STPG2: variants seen among roughly 807,000 people sequenced by gnomAD.
The protein encoded by STPG2 is sperm tail PG-rich repeat containing 2.
STPG2 carries 56 observed loss-of-function variants against 54.2 expected under a neutral mutation model. The observed-to-expected ratio is 1.03, with a 90% CI of 0.83 to 1.29. The LOEUF is 1.29. Among genes scored for constraint, STPG2 ranks in the 50% most tolerant of loss-of-function variants. The probability of loss-of-function intolerance (pLI) is 0.00; values close to 1 mark genes in which losing one functional copy is unlikely to be tolerated. For missense variants in STPG2, 596 were observed against 544.9 expected (o/e 1.09, Z -0.93); for synonymous variants, 200 against 181.8 (o/e 1.10, Z -0.81).
intron 10 of STPG2, among the ~76,000 whole-genome samples, chr4:97,707,404 C>T (rs1265805878): frequency 6.6e-6 from 1 of 152,020 alleles, no homozygotes; most frequent in Non-Finnish European, 1.5e-5. Flanking sequence ...GCTTGTAGTT[C>T]CAGCTACCTG....
At chr4:97,831,337 A>G (rs999586478) in intron 9 of STPG2, among the ~76,000 whole-genome samples, 1 of 152,210 alleles carries the variant, frequency 6.6e-6, no homozygotes, top group Non-Finnish European at 1.5e-5. Context: ...GAACAAAAAC[A>G]CAATGTAGTA....
Position 97,585,116 on chromosome 4 carries a change from A to AC in STPG2, c.1321-26000_1321-25999insG, listed in dbSNP as rs1257149701. Reference sequence around the variant, plus strand: ...AAAATATTCTCAAAAAAAAAAAAAAAAAAAAAAACAAAACTACAAGTTAAC... The same window carrying AC: ...AAAATATTCTCAAAAAAAAAAAAAAACAAAAAAAACAAAACTACAAGTTAAC... On this transcript the variant is annotated intron_variant, in intron 10 of 10. Transcript: ENST00000295268. Among the ~76,000 whole-genome samples, 183 of 148,284 alleles carry AC rather than the reference A, an allele frequency of 1.2e-3. 5 individuals are homozygous for AC. Among genetic ancestry groups the AC allele is most frequent in the Admixed American group, 8.7e-4 (13 of 14,970 alleles).
intron 1 of STPG2, among the ~76,000 whole-genome samples, chr4:98,141,954 A>G (rs1282025446): frequency 6.6e-6 from 1 of 151,780 alleles, no homozygotes; most frequent in Middle Eastern, 3.2e-3. Flanking sequence ...AAAAAAAAAA[A>G]AAAAAAAACA....
At chr4:98,014,261 TC>T (rs1181801218) in intron 5 of STPG2, among the ~76,000 whole-genome samples, 1 of 152,182 alleles carries the variant, frequency 6.6e-6, no homozygotes, top group African/African-American at 2.4e-5. Context: ...TTGTTCAATT[TC>T]CATGTAGTTG....
intron 5 of STPG2, among the ~76,000 whole-genome samples, chr4:98,018,375 C>T (rs1321545881): frequency 6.6e-6 from 1 of 152,146 alleles, no homozygotes; most frequent in Admixed American, 6.5e-5. Flanking sequence ...GCATAGTATT[C>T]CATGGTGTAT....
intron 5 of STPG2, among the ~76,000 whole-genome samples, chr4:98,004,006 G>A (rs1735497869): frequency 1.3e-5 from 2 of 148,622 alleles, no homozygotes; most frequent in Admixed American, 1.4e-4. Flanking sequence ...GTGTGTGTGT[G>A]TATGTGTGTG....
At chr4:97,476,656 T>C (rs1030824558) in intron 4 of STPG2, among the ~76,000 whole-genome samples, 2 of 152,222 alleles carry the variant, frequency 1.3e-5, no homozygotes, top group African/African-American at 2.4e-5. Context: ...ATTTTCCATA[T>C]AATCTTTAAA....
chr4:98,057,462 GC>G (rs1211380337), intron 5 of STPG2, among the ~76,000 whole-genome samples: 2 of 141,482 alleles, frequency 1.4e-5, no homozygotes, highest in African/African-American at 2.7e-5. Context: ...GAATCTCAGG[GC>G]TTGAAGACTT....
At position 97,873,950 on chromosome 4, in the gene STPG2, GA is replaced by G. The variant is rs1400190073; in HGVS notation, c.1045-33019del. 2.7e-5 allele frequency among the ~76,000 whole-genome samples: 4 copies of G among 150,618 alleles called. No homozygotes were observed. In the East Asian group the frequency reaches 5.8e-4, roughly 22 times the overall value. On this transcript the variant is annotated intron_variant, in intron 8 of 10. Transcript: ENST00000295268. ...AGCTGGCCAAGAAAATTGTATTTTT[GA>G]AAAAAAGTCAAAGTATTTTCTTTAT...
intron 10 of STPG2, among the ~76,000 whole-genome samples, chr4:97,602,547 T>C (rs1482045035): frequency 1.3e-5 from 2 of 151,816 alleles, no homozygotes; most frequent in Non-Finnish European, 3.0e-5. Context: ...ATACAATGTT[T>C]ACTCTATGTT....
At chr4:97,721,826 G>T (rs1363395636) in intron 9 of STPG2, among the ~76,000 whole-genome samples, 3 of 152,052 alleles carry the variant, frequency 2.0e-5, no homozygotes, top group Non-Finnish European at 4.4e-5. Context: ...TTAGGAGACA[G>T]TATCCAGAGA....
At chr4:97,894,382 A>G (rs1730884156) in intron 8 of STPG2, among the ~76,000 whole-genome samples, 1 of 151,924 alleles carries the variant, frequency 6.6e-6, no homozygotes, top group Admixed American at 6.6e-5. Context: ...CATTGTAACT[A>G]CTCTGAATAT....
At chr4:97,935,364 T>C (rs1732709482) in intron 8 of STPG2, among the ~76,000 whole-genome samples, 1 of 152,236 alleles carries the variant, frequency 6.6e-6, no homozygotes, top group Admixed American at 6.5e-5. Context: ...GAATAATTTT[T>C]CGCATCTCCA....
chr4:97,920,680 C>G (rs1246432381), intron 8 of STPG2, among the ~76,000 whole-genome samples: 2 of 150,580 alleles, frequency 1.3e-5, no homozygotes, highest in African/African-American at 4.9e-5. Flanking sequence ...GAACCCTGAA[C>G]AGCTGACAAC....
intron 5 of STPG2, among the ~76,000 whole-genome samples, chr4:98,029,134 G>A (rs1736516439): frequency 6.6e-6 from 1 of 152,050 alleles, no homozygotes; most frequent in Non-Finnish European, 1.5e-5. Flanking sequence ...CTATGTGCAT[G>A]TAGAAATATG....
At chr4:98,125,448 G>A (rs1390600181) in intron 3 of STPG2, among the ~76,000 whole-genome samples, 1 of 152,116 alleles carries the variant, frequency 6.6e-6, no homozygotes, top group Admixed American at 6.6e-5. Context: ...GCAGTTTTCT[G>A]GGGGTCCACA....
rs140174148 is a variant in STPG2 at position 97,842,564 on chromosome 4, C to A, written c.1045-1632G>T. Among the ~76,000 whole-genome samples, 6 of 152,008 alleles carry A rather than the reference C, an allele frequency of 3.9e-5. No homozygotes were observed. The Middle Eastern group carries it at 0.014, about 345-fold the overall frequency. ...TGTTCCCATTTCCTGTAACACCCTA[C>A]GTGGTGTCACCATCTATTTCTTCTT... On this transcript the variant is annotated intron_variant, in intron 8 of 10. Transcript: ENST00000295268.
At chr4:97,555,303 T>C (rs1732051720), downstream of STPG2, among the ~76,000 whole-genome samples, 1 of 152,170 alleles carries the variant, frequency 6.6e-6, no homozygotes, top group Admixed American at 6.5e-5. Context: ...AGTATACATG[T>C]AATTCAACCA....
intron 5 of STPG2, among the ~76,000 whole-genome samples, chr4:98,041,188 G>A (rs566469900): frequency 5.9e-5 from 9 of 151,858 alleles, no homozygotes; most frequent in Non-Finnish European, 8.8e-5. Context: ...TTCATATCTC[G>A]AAACTTTACT....
Sources: allele counts gnomAD v4.1 joint callset (sites outside exome capture counted in the v4.1 genomes callset), GRCh38; gene constraint gnomAD v4.1.1; transcripts MANE v1.5; gene names NCBI Gene and HGNC (gene_info 2026-07-23, HGNC 2026-07-21).